CASR: variants seen among roughly 807,000 people sequenced by gnomAD.
CASR encodes calcium sensing receptor.
Under a neutral mutation model 69.1 loss-of-function variants are expected in CASR, and 23 were observed. The observed-to-expected ratio is 0.33, with a 90% confidence interval of 0.24 to 0.47. The LOEUF (loss-of-function observed/expected upper bound fraction) is 0.47. Among genes scored for constraint, CASR ranks in the 20% least tolerant of loss-of-function variants. CASR has a pLI of 1.00. For synonymous variants in CASR, 541 were observed against 544.7 expected, an observed-to-expected ratio of 0.99 and a Z score of 0.10; for missense variants, 924 against 1,356.1, an observed-to-expected ratio of 0.68 and a Z score of 5.00.
intron 1 of CASR, among the ~76,000 whole-genome samples, chr3:122,248,967 G>A (rs2074455566): frequency 6.6e-6 from 1 of 152,162 alleles, no homozygotes; most frequent in Non-Finnish European, 1.5e-5. Flanking sequence ...TTTAGTACCA[G>A]GTTCTTTGTT....
chr3:122,187,688 C>A (rs1218217613), intron 1 of CASR, among the ~76,000 whole-genome samples: 1 of 152,004 alleles, frequency 6.6e-6, no homozygotes, highest in Non-Finnish European at 1.5e-5. Context: ...AGGAGTGACA[C>A]CAGGTAGACA....
Position 122,262,355 on chromosome 3 carries a change from G to T in CASR, c.1320G>T (p.Gly440=), listed in dbSNP as rs200243816. The change falls in exon 4 of 7, where the codon GGG becomes GGT. Residue 440 remains glycine, a synonymous_variant. Transcript: ENST00000639785. ...ALQDIYTCLP[G]RGLFTNGSCA... is the part of the protein sequence containing the mutation. The stretch of plus-strand genomic sequence containing the variant: ...AAGATATATATACCTGCTTACCTGG[G>T]AGAGGGCTCTTCACCAATGGCTCCT... The T allele has an allele frequency of 6.2e-7, 1 of 1,614,016 alleles. No individual in the cohort carries two copies. Among genetic ancestry groups the T allele is most frequent in the Non-Finnish European group, 8.5e-7 (1 of 1,180,014 alleles).
chr3:122,230,461 C>T (rs2107607825), intron 1 of CASR, among the ~76,000 whole-genome samples: 1 of 152,300 alleles, frequency 6.6e-6, no homozygotes. Flanking sequence ...GCAGCGGGGG[C>T]GGGGATGCTG....
Position 122,254,236 on chromosome 3 carries a change from A to G in CASR, c.47A>G (p.His16Arg). The G allele has an allele frequency of 6.2e-7, 1 of 1,613,844 alleles. No individual in the cohort carries two copies. The highest frequency in any genetic ancestry group is 8.5e-7 in the Non-Finnish European group (1 of 1,180,026). Reference protein sequence around the residue: ...CCWVLLALTWHTSAYGPDQRA... With the variant: ...CCWVLLALTWRTSAYGPDQRA... The stretch of plus-strand genomic sequence containing the variant: ...TGGGTCCTCTTGGCACTCACCTGGC[A>G]CACCTCTGCCTACGGGCCAGACCAG... The change falls in exon 2 of 7, where the codon CAC becomes CGC. Residue 16 changes from histidine (H) to arginine (R), a missense_variant. Physicochemically the swap from His to Arg is conservative, Grantham distance 29. Coordinates refer to ENST00000639785, the MANE Select transcript of CASR (RefSeq NM_000388.4).
chr3:122,237,621 A>G (rs528572457), intron 1 of CASR, among the ~76,000 whole-genome samples: 13 of 152,358 alleles, frequency 8.5e-5, no homozygotes, highest in African/African-American at 3.1e-4. Flanking sequence ...TATTAATACG[A>G]TATTAAGTGA....
At chr3:122,255,541 A>G (rs1293288071) in intron 2 of CASR, among the ~76,000 whole-genome samples, 1 of 152,148 alleles carries the variant, frequency 6.6e-6, no homozygotes, top group African/African-American at 2.4e-5. Flanking sequence ...GTGGACAAAT[A>G]CTCTGTTGTA....
rs1553765673 is a variant in CASR at position 122,252,425 on chromosome 3, G to GAAAGAAA, written c.-242-1522_-242-1516dup. On this transcript the variant is annotated intron_variant, in intron 1 of 6. Coordinates refer to ENST00000639785, the MANE Select transcript of CASR (RefSeq NM_000388.4). ...AAGGAAGGAAAAAGAAAGAAAGAAA[G>GAAAGAAA]AAAGAAAGAAAGAAAGAAAGAAAAA... Among the ~76,000 whole-genome samples the GAAAGAAA allele has an allele frequency of 1.7e-4, 10 of 59,636 alleles. 2 individuals carry two copies. Among genetic ancestry groups the GAAAGAAA allele is most frequent in the African/African-American group, 6.9e-4 (10 of 14,398 alleles). 39.1% of individuals were successfully genotyped at this position (59,636 alleles called of 152,430 possible).
At chr3:122,199,125 T>C (rs1204172192) in intron 1 of CASR, among the ~76,000 whole-genome samples, 1 of 152,236 alleles carries the variant, frequency 6.6e-6, no homozygotes, top group Middle Eastern at 3.2e-3. Flanking sequence ...TCAATATACA[T>C]GGAAGTCACA....
chr3:122,228,013 T>TTC (rs1260014342), intron 1 of CASR, among the ~76,000 whole-genome samples: 253 of 152,360 alleles, frequency 1.7e-3, no homozygotes, highest in African/African-American at 5.8e-3. Context: ...TATATGCCTG[T>TTC]GAAGGACACC....
At chr3:122,204,206 A>G (rs563586502) in intron 1 of CASR, among the ~76,000 whole-genome samples, 1 of 152,202 alleles carries the variant, frequency 6.6e-6, no homozygotes, top group Non-Finnish European at 1.5e-5. Context: ...ATTTTATCAA[A>G]CCTTGTATTT....
chr3:122,229,794 G>A (rs1271031738), intron 1 of CASR, among the ~76,000 whole-genome samples: 1 of 152,154 alleles, frequency 6.6e-6, no homozygotes, highest in Non-Finnish European at 1.5e-5. Context: ...CCTGGGAGGT[G>A]GAAGCCACAG....
chr3:122,239,857 A>G (rs2074363681), intron 1 of CASR, among the ~76,000 whole-genome samples: 1 of 152,266 alleles, frequency 6.6e-6, no homozygotes, highest in African/African-American at 2.4e-5. Flanking sequence ...AGAAAAAAGA[A>G]CAAAAAAGAA....
intron 1 of CASR, among the ~76,000 whole-genome samples, chr3:122,221,717 A>G (rs772476514): frequency 1.4e-4 from 22 of 152,190 alleles, no homozygotes; most frequent in Non-Finnish European, 3.1e-4. Context: ...GAATAATGCA[A>G]TCTAGGTTTA....
At chr3:122,194,398 A>C (rs1317136582) in intron 1 of CASR, among the ~76,000 whole-genome samples, 1 of 152,036 alleles carries the variant, frequency 6.6e-6, no homozygotes, top group Admixed American at 6.6e-5. Context: ...AGCCATGGTG[A>C]GGACTGATTG....
chr3:122,237,203 G>A (rs111434455), intron 1 of CASR, among the ~76,000 whole-genome samples: 196 of 151,016 alleles, frequency 1.3e-3, no homozygotes, highest in South Asian at 6.9e-3. Context: ...TCCACCACCC[G>A]GGTTCAAGCG....
chr3:122,252,182 C>T (rs1404332589), intron 1 of CASR, among the ~76,000 whole-genome samples: 1 of 151,214 alleles, frequency 6.6e-6, no homozygotes, highest in Non-Finnish European at 1.5e-5. Context: ...GTTTGTAGTC[C>T]CAGCCACTCA....
rs768663095 is a variant in CASR at position 122,275,983 on chromosome 3, A to G, written c.1549A>G (p.Lys517Glu). The change falls in exon 5 of 7, where the codon AAG becomes GAG. Residue 517 changes from lysine (K) to glutamate (E), a missense_variant. Physicochemically the swap from Lys to Glu is moderately conservative, Grantham distance 56. This residue lies in a region of CASR where 310 missense variants were observed against 395.7 expected (regional missense o/e 0.78). Transcript: ENST00000639785. ...EVGYYNVYAK[K>E]GERLFINEEK... ...CGGGTATTACAACGTCTATGCCAAGAAGGGAGAAAGACTCTTCATCAACGA... is the reference window on the plus strand; with the variant it reads ...CGGGTATTACAACGTCTATGCCAAGGAGGGAGAAAGACTCTTCATCAACGA... 9.3e-6 allele frequency: 15 copies of G among 1,613,878 alleles called. No individual in the cohort carries two copies. The highest frequency in any genetic ancestry group is 2.5e-6 in the Non-Finnish European group (3 of 1,179,904).
intron 1 of CASR, among the ~76,000 whole-genome samples, chr3:122,231,648 A>C (rs1377526971): frequency 6.6e-6 from 1 of 152,182 alleles, no homozygotes; most frequent in African/African-American, 2.4e-5. Context: ...TTTCTGGTAC[A>C]TGAAACATCT....
intron 1 of CASR, among the ~76,000 whole-genome samples, chr3:122,202,102 A>G (rs1481390903): frequency 2.6e-5 from 4 of 152,052 alleles, no homozygotes; most frequent in African/African-American, 9.7e-5. Flanking sequence ...AGCCGAGATC[A>G]CGCCACTGCA....
Sources: allele counts gnomAD v4.1 joint callset (sites outside exome capture counted in the v4.1 genomes callset), GRCh38; gene constraint gnomAD v4.1.1; regional missense constraint gnomAD v4.1.1; transcripts MANE v1.5; gene names NCBI Gene and HGNC (gene_info 2026-07-23, HGNC 2026-07-21).